SWT1: variants seen among roughly 807,000 people sequenced by gnomAD.
SWT1 encodes SWT1 RNA endoribonuclease homolog.
Under a neutral mutation model 107.3 loss-of-function variants are expected in SWT1, and 33 were observed. The observed-to-expected ratio is 0.31, with a 90% CI of 0.23 to 0.41. The LOEUF (loss-of-function observed/expected upper bound fraction) is 0.41. SWT1 is among the 10% of genes least tolerant of loss of function. The pLI, the probability that SWT1 is intolerant of heterozygous loss-of-function variation, is 1.00. For missense variants in SWT1, 898 were observed against 1,028.9 expected (o/e 0.87, Z 1.74); for synonymous variants, 345 against 348.3 (o/e 0.99, Z 0.11).
At chr1:185,256,467 G>T (rs1214775899) in intron 16 of SWT1, among the ~76,000 whole-genome samples, 3 of 151,544 alleles carry the variant, frequency 2.0e-5, no homozygotes, top group African/African-American at 7.3e-5. Context: ...TTTCCTGGAG[G>T]CTTTGCTCAT....
intron 16 of SWT1, among the ~76,000 whole-genome samples, chr1:185,241,638 A>T (rs1661261546): frequency 6.6e-6 from 1 of 152,158 alleles, no homozygotes; most frequent in Non-Finnish European, 1.5e-5. Flanking sequence ...AAACTGTCTT[A>T]CTTTTCTGTA....
At chr1:185,250,689 G>A (rs1203270564) in intron 16 of SWT1, among the ~76,000 whole-genome samples, 2 of 152,020 alleles carry the variant, frequency 1.3e-5, no homozygotes, top group African/African-American at 4.8e-5. Flanking sequence ...TTGAGATGGA[G>A]TCTTGCTGTG....
intron 16 of SWT1, among the ~76,000 whole-genome samples, chr1:185,237,193 G>A (rs777862386): frequency 1.8e-4 from 27 of 152,188 alleles, no homozygotes; most frequent in Non-Finnish European, 2.4e-4. Context: ...CAGCAATCCC[G>A]TTCCTGGGTA....
intron 16 of SWT1, among the ~76,000 whole-genome samples, chr1:185,252,789 A>C (rs1041652623): frequency 2.0e-5 from 3 of 152,074 alleles, no homozygotes; most frequent in South Asian, 2.1e-4. Flanking sequence ...GAGTTTAATT[A>C]GATCCCATTT....
chr1:185,227,497 C>T (rs977187714), intron 15 of SWT1: 26 of 552,462 alleles, frequency 4.7e-5, no homozygotes, highest in South Asian at 1.7e-4. Context: ...CCTCTCTATA[C>T]GAGCAGAAGC....
chr1:185,213,420 G>A (rs1658979358), intron 13 of SWT1, among the ~76,000 whole-genome samples: 2 of 152,176 alleles, frequency 1.3e-5, no homozygotes, highest in South Asian at 4.1e-4. Context: ...TAAAGGAGAA[G>A]CCAGAGGCTT....
intron 10 of SWT1, among the ~76,000 whole-genome samples, chr1:185,193,839 T>C (rs1419173110): frequency 1.3e-5 from 2 of 152,208 alleles, no homozygotes. Flanking sequence ...ATTTGTCTAT[T>C]TCTCCTTTCA....
intron 10 of SWT1, among the ~76,000 whole-genome samples, chr1:185,191,666 A>G (rs1233214479): frequency 1.3e-5 from 2 of 152,166 alleles, no homozygotes; most frequent in African/African-American, 4.8e-5. Flanking sequence ...GATCTAGGAC[A>G]TATTACTTTG....
Position 185,190,542 on chromosome 1 carries a change from T to C in SWT1, c.1430-7T>C. 6.4e-7 allele frequency: 1 copy of C among 1,574,162 alleles called. No individual in the cohort carries two copies. Among genetic ancestry groups the C allele is most frequent in the Non-Finnish European group, 8.7e-7 (1 of 1,144,902 alleles). On this transcript the variant is annotated splice_polypyrimidine_tract_variant and splice_region_variant and intron_variant, in intron 9 of 18. Coordinates refer to ENST00000367500, the MANE Select transcript of SWT1 (RefSeq NM_017673.7). ...CTTACTGACTGTTGCCTTTACTAAATTTGCAGATGGATTGAGTGATGAGAA... is the reference window on the plus strand; with the variant it reads ...CTTACTGACTGTTGCCTTTACTAAACTTGCAGATGGATTGAGTGATGAGAA...
chr1:185,228,997 G>A (rs934201619), intron 15 of SWT1, among the ~76,000 whole-genome samples: 1 of 152,204 alleles, frequency 6.6e-6, no homozygotes, highest in Non-Finnish European at 1.5e-5. Flanking sequence ...TGCTAATTGT[G>A]TAGGGCCTAT....
intron 10 of SWT1, among the ~76,000 whole-genome samples, chr1:185,193,449 T>C (rs1196922443): frequency 1.3e-5 from 2 of 151,610 alleles, no homozygotes; most frequent in Admixed American, 6.6e-5. Flanking sequence ...ATAACCTTAC[T>C]GGCCTACTTT....
chr1:185,287,243 TG>T (rs1264331519), intron 18 of SWT1, among the ~76,000 whole-genome samples: 2 of 152,176 alleles, frequency 1.3e-5, no homozygotes, highest in Non-Finnish European at 2.9e-5. Flanking sequence ...ATTTTTAAAT[TG>T]TATGATAAAA....
intron 16 of SWT1, among the ~76,000 whole-genome samples, chr1:185,232,032 T>A (rs186497930): frequency 7.9e-5 from 12 of 152,024 alleles, no homozygotes; most frequent in Admixed American, 2.6e-4. Flanking sequence ...TTTCAAAAAA[T>A]TTTTTTTTCA....
chr1:185,160,686 A>T (rs908578658), intron 1 of SWT1, 147 bp from the exon 2 acceptor site: 2 of 564,150 alleles, frequency 3.5e-6, no homozygotes, highest in Non-Finnish European at 6.0e-6. Flanking sequence ...TGAGCGATGG[A>T]GCGAGACTCC....
At chr1:185,242,829 A>G (rs1353993172) in intron 16 of SWT1, among the ~76,000 whole-genome samples, 2 of 152,142 alleles carry the variant, frequency 1.3e-5, no homozygotes, top group African/African-American at 4.8e-5. Context: ...ATTCCTTGCT[A>G]TTAAGTCTCG....
chr1:185,252,496 C>T (rs950139303), intron 16 of SWT1, among the ~76,000 whole-genome samples: 6 of 152,104 alleles, frequency 3.9e-5, no homozygotes, highest in African/African-American at 1.4e-4. Flanking sequence ...AGATGGTATC[C>T]CATTGTGGTT....
intron 16 of SWT1, among the ~76,000 whole-genome samples, chr1:185,255,274 G>T (rs1404394111): frequency 6.6e-6 from 1 of 150,420 alleles, no homozygotes; most frequent in Non-Finnish European, 1.5e-5. Context: ...GGGGTGGAGA[G>T]TTCTGTAGAT....
At chr1:185,174,328 A>G (rs1042750023) in intron 4 of SWT1, 44 bp from the exon 5 acceptor site, 2 of 1,450,198 alleles carry the variant, frequency 1.4e-6, no homozygotes, top group Non-Finnish European at 1.8e-6. Flanking sequence ...GTGCAACATT[A>G]TGTATAATTA....
chr1:185,174,859 A>G lies in SWT1; in HGVS notation c.712A>G (p.Ile238Val), dbSNP rs759523963. The change falls in exon 5 of 19, where the codon ATA becomes GTA. Residue 238 changes from isoleucine (I) to valine (V), a missense_variant. Around this residue, in one of 6 missense-constraint regions of SWT1, gnomAD observed 382 missense variants for 362.4 expected, o/e 1.05. Transcript: ENST00000367500. ...RRQKISFKIP[I>V]KSRDTLQKLV... ...ACAGAAGATCAGTTTCAAAATCCCTATAAAATCCCGTGACACCCTCCAGAA... is the reference window on the plus strand; with the variant it reads ...ACAGAAGATCAGTTTCAAAATCCCTGTAAAATCCCGTGACACCCTCCAGAA... The G allele has an allele frequency of 9.5e-5, 154 of 1,614,016 alleles. No homozygotes were observed. Among genetic ancestry groups the G allele is most frequent in the Non-Finnish European group, 1.2e-4 (143 of 1,180,022 alleles).
Sources: allele counts gnomAD v4.1 joint callset (sites outside exome capture counted in the v4.1 genomes callset), GRCh38; gene constraint gnomAD v4.1.1; regional missense constraint gnomAD v4.1.1; transcripts MANE v1.5; gene names NCBI Gene and HGNC (gene_info 2026-07-23, HGNC 2026-07-21).